Variants in HDAC11 observed in about 807,000 individuals in gnomAD.
HDAC11 encodes histone deacetylase 11.
HDAC11 carries 23 observed loss-of-function variants against 41.1 expected under a neutral mutation model. The ratio of observed to expected loss-of-function variants is 0.56; its 90% CI spans 0.40 to 0.79. The LOEUF is 0.79. Among genes scored for constraint, HDAC11 ranks in the 30% least tolerant of loss-of-function variants. HDAC11 has a pLI of 0.00. For missense variants in HDAC11, 402 were observed against 477.3 expected (o/e 0.84, Z 1.47); for synonymous variants, 187 against 186.6 (o/e 1.00, Z -0.02).
intron 3 of HDAC11, among the ~76,000 whole-genome samples, chr3:13,483,979 A>G (rs1701442444): frequency 6.6e-6 from 1 of 151,996 alleles, no homozygotes; most frequent in Admixed American, 6.6e-5. Context: ...TGTTCTTGAA[A>G]TGGAGTCTCA....
chr3:13,498,805 G>A (rs554989761), intron 5 of HDAC11, among the ~76,000 whole-genome samples: 103 of 152,216 alleles, frequency 6.8e-4, no homozygotes, highest in African/African-American at 2.1e-3. Context: ...TCCCCGGGTG[G>A]TTCCCCAGCC....
chr3:13,496,795 C>T lies in HDAC11; in HGVS notation c.312C>T (p.Phe104=). ...EIPPVIFLPN[F]LVQRKVLRPL... ...CCCCCGTTATCTTCCTCCCCAACTT[C>T]CTTGTGCAGAGGAAGGTGCTGAGGC... is the stretch of plus-strand genomic sequence containing the variant. Residue 104 remains phenylalanine (F), a synonymous_variant, in exon 4 of 10, where the codon TTC becomes TTT. Transcript: ENST00000295757. 6.2e-7 allele frequency: 1 copy of T among 1,609,312 alleles called. No individual in the cohort carries two copies. The highest frequency in any genetic ancestry group is 8.5e-7 in the Non-Finnish European group (1 of 1,177,838).
intron 3 of HDAC11, among the ~76,000 whole-genome samples, chr3:13,489,712 G>A (rs780030879): frequency 7.2e-5 from 11 of 152,096 alleles, no homozygotes; most frequent in South Asian, 2.1e-4. Flanking sequence ...GACTACAGGC[G>A]TGTGCTACCA....
At position 13,480,443 on chromosome 3, in the gene HDAC11, C is replaced by T. The variant is rs1701250671; in HGVS notation, c.2+94C>T. 4 of 783,794 alleles carry T rather than the reference C, an allele frequency of 5.1e-6. No homozygotes were observed. Among genetic ancestry groups the T allele is most frequent in the African/African-American group, 1.8e-5 (1 of 54,890 alleles). 48.6% of individuals were successfully genotyped at this position (783,794 alleles called of 1,614,324 possible). On this transcript the variant is annotated intron_variant, in intron 1 of 9. Coordinates refer to ENST00000295757, the MANE Select transcript of HDAC11 (RefSeq NM_024827.4). The surrounding 1 kb of genome is among the most constrained non-coding windows in gnomAD (Gnocchi z 4.6). ...GGGCGGGGACGGCCGGGCGGGCGCG[C>T]CAGGTAAGGGCCCAGATTTGCTGGT...
At chr3:13,481,009 C>T (rs1701289426) in intron 1 of HDAC11, 2 of 555,508 alleles carry the variant, frequency 3.6e-6, no homozygotes, top group Non-Finnish European at 3.2e-6. Flanking sequence ...GGTCTGCTCT[C>T]TGAGCCTCTG....
intron 3 of HDAC11, among the ~76,000 whole-genome samples, chr3:13,487,274 C>A (rs145236397): frequency 6.6e-6 from 1 of 152,168 alleles, no homozygotes. Context: ...CTGCTGTGGG[C>A]GCCCAGAGAG....
At chr3:13,501,776 C>G in intron 6 of HDAC11, 95 bp from the exon 7 acceptor site, 1 of 1,119,770 alleles carries the variant, frequency 8.9e-7, no homozygotes, top group Non-Finnish European at 1.4e-6. Flanking sequence ...CATTAGGCCC[C>G]CCTCCCCGCC....
chr3:13,504,473 C>T lies in HDAC11; in HGVS notation c.834C>T (p.Ile278=), dbSNP rs200123307. The change falls in exon 10 of 10, where the codon ATC becomes ATT. Residue 278 remains isoleucine, a synonymous_variant. Transcript: ENST00000295757. Reference sequence around the variant, plus strand: ...CCCTCCTCTTCCCCTAACAGGGCATCGTGAAGCGGGATGAGCTGGTGTTCC... The same window carrying T: ...CCCTCCTCTTCCCCTAACAGGGCATTGTGAAGCGGGATGAGCTGGTGTTCC... ...LGGLSISPAG[I]VKRDELVFRM... The T allele has an allele frequency of 3.4e-5, 55 of 1,613,198 alleles. No individual in the cohort carries two copies. The Admixed American group carries it at 6.2e-4, about 18-fold the overall frequency.
chr3:13,503,203 CA>C, intron 8 of HDAC11: 3 of 347,860 alleles, frequency 8.6e-6, no homozygotes, highest in Non-Finnish European at 1.6e-5. Flanking sequence ...ATTTGTCTGG[CA>C]AAAAACAGGA....
intron 3 of HDAC11, among the ~76,000 whole-genome samples, chr3:13,493,531 C>T (rs1220767055): frequency 2.0e-5 from 3 of 152,226 alleles, no homozygotes; most frequent in Non-Finnish European, 4.4e-5. Context: ...AGGAACCAAA[C>T]TTGAATTTTT....
At chr3:13,483,387 C>A in intron 2 of HDAC11, 77 bp from the exon 3 acceptor site, 1 of 1,265,604 alleles carries the variant, frequency 7.9e-7, no homozygotes, top group Non-Finnish European at 1.2e-6. Context: ...GCCAAGTCTG[C>A]AGCCTGTGGG....
intron 5 of HDAC11, among the ~76,000 whole-genome samples, chr3:13,499,169 G>A (rs1396595147): frequency 2.0e-5 from 3 of 152,078 alleles, no homozygotes; most frequent in Non-Finnish European, 2.9e-5. Context: ...TTTTCACCAG[G>A]CTCTTTTTTT....
In HDAC11 at chr3:13,504,155, G is replaced by A; in HGVS notation, c.711G>A (p.Lys237=). Residue 237 remains lysine (K), a synonymous_variant, in exon 9 of 10, where the codon AAG becomes AAA. Transcript: ENST00000295757. The part of the protein sequence containing the change: ...WGTEDDEYLD[K]VERNIKKSLQ... ...CAGAGGATGATGAGTACCTGGATAA[G>A]GTGGAGAGGAACATCAAGAAATCCC... is the stretch of plus-strand genomic sequence containing the variant. 6.2e-7 allele frequency: 1 copy of A among 1,614,100 alleles called. No individual in the cohort carries two copies. Among genetic ancestry groups the A allele is most frequent in the Admixed American group, 1.7e-5 (1 of 60,024 alleles).
chr3:13,494,842 A>G (rs959836665), intron 3 of HDAC11, among the ~76,000 whole-genome samples: 6 of 151,992 alleles, frequency 3.9e-5, no homozygotes, highest in Non-Finnish European at 5.9e-5. Flanking sequence ...GCCAGGGCCT[A>G]AGCCATGAGG....
rs73815732 is a variant in HDAC11, at chr3:13,503,705, G to C, written c.650-389G>C. ...TAGGGGACATTTTTGCACCAGTCAC[G>C]ATGAGTCTGGTGTGGATAAGTCAGC... is the stretch of plus-strand genomic sequence containing the variant. On this transcript the variant is annotated intron_variant, in intron 8 of 9. Coordinates refer to ENST00000295757, the MANE Select transcript of HDAC11 (RefSeq NM_024827.4). 2.6e-5 allele frequency among the ~76,000 whole-genome samples: 4 copies of C among 152,316 alleles called. No individual in the cohort carries two copies. The East Asian group carries it at 5.8e-4, about 22-fold the overall frequency.
chr3:13,480,521 G>A lies in HDAC11; in HGVS notation c.2+172G>A, dbSNP rs1414266253. ...GTTTCCAGGCCCTCCCGGCGCGCCA[G>A]GCCAGCCCCGCGCCCCTGCTCGGTG... On this transcript the variant is annotated intron_variant, in intron 1 of 9. Transcript: ENST00000295757. This position sits in a 1 kb window ranked among gnomAD's most constrained non-coding sequence, Gnocchi z 4.6. The A allele has an allele frequency of 1.2e-5, 4 of 339,232 alleles. No homozygotes were observed. The highest frequency in any genetic ancestry group is 1.6e-5 in the Non-Finnish European group (3 of 191,494). The allele number at this position is 339,232 out of a possible 1,614,324, so 21.0% of individuals were successfully genotyped here.
intron 3 of HDAC11, among the ~76,000 whole-genome samples, chr3:13,485,298 G>A (rs1331527691): frequency 6.6e-6 from 1 of 152,242 alleles, no homozygotes; most frequent in African/African-American, 2.4e-5. Context: ...GAGAGAGAGG[G>A]GTGTGAGGCC....
At position 13,480,324 on chromosome 3, in the gene HDAC11, A is replaced by C; in HGVS notation, c.-24A>C. 1.6e-6 allele frequency: 2 copies of C among 1,226,642 alleles called. No homozygotes were observed. The highest frequency in any genetic ancestry group is 1.0e-6 in the Non-Finnish European group (1 of 984,622). The allele number at this position is 1,226,642 out of a possible 1,614,324, so 76.0% of individuals were successfully genotyped here. On this transcript the variant is annotated 5_prime_UTR_variant, in exon 1 of 10. Coordinates refer to ENST00000295757, the MANE Select transcript of HDAC11 (RefSeq NM_024827.4). The surrounding 1 kb of genome is among the most constrained non-coding windows in gnomAD (Gnocchi z 4.6). ...CCCGCCCGGTCGCGGAGCTGCGGCC[A>C]GCTTTGGGAGGGCCGGCCCCGGGAT...
chr3:13,500,629 T>C, intron 5 of HDAC11, 84 bp from the exon 6 acceptor site: 1 of 1,098,502 alleles, frequency 9.1e-7, no homozygotes, highest in East Asian at 2.6e-5. Context: ...GGGAGGATGC[T>C]GGGGGAGGTG....
Sources: gnomAD v4.1 joint callset for allele counts (sites outside exome capture counted in the v4.1 genomes callset) on GRCh38, gnomAD v4.1.1 for gene constraint, Gnocchi (gnomAD v3.1) non-coding constraint, MANE v1.5 for transcripts, NCBI Gene and HGNC (gene_info 2026-07-23, HGNC 2026-07-21) for gene names.